The following EFTUD2 variants were observed in gnomAD, a reference collection of about 807,000 sequenced individuals.
EFTUD2 encodes elongation factor Tu GTP binding domain containing 2.
In EFTUD2, 9 loss-of-function variants were observed where a neutral mutation model predicts 114.3. The ratio of observed to expected loss-of-function variants is 0.08; its 90% confidence interval spans 0.05 to 0.14. EFTUD2 has a LOEUF of 0.14. Among genes scored for constraint, EFTUD2 ranks in the 10% least tolerant of loss-of-function variants. EFTUD2 has a pLI of 1.00. For missense variants in EFTUD2, 765 were observed against 1,241.2 expected (o/e 0.62, Z 5.76); for synonymous variants, 449 against 462.3 (o/e 0.97, Z 0.37).
At position 44,859,713 on chromosome 17, in the gene EFTUD2, AACACACACACAT is replaced by A. The variant is rs1467662735; in HGVS notation, c.1860+180_1860+191del. On this transcript the variant is annotated intron_variant, in intron 18 of 27. Coordinates refer to ENST00000426333, the MANE Select transcript of EFTUD2 (RefSeq NM_004247.4). The stretch of plus-strand genomic sequence containing the variant: ...CCCCCTCCTACACAGGTCTTGTTTT[AACACACACACAT>A]ACACACACACACGTGTCTTGTCCTG... 6.0e-6 allele frequency: 5 copies of A among 836,626 alleles called. No homozygotes were observed. The African/African-American group carries it at 7.0e-5, about 12-fold the overall frequency. 51.8% of individuals were successfully genotyped at this position (836,626 alleles called of 1,614,324 possible). A position where few individuals can be genotyped will look rare whatever the true frequency, so the allele number is the denominator to read the frequency against.
intron 9 of EFTUD2, among the ~76,000 whole-genome samples, chr17:44,878,916 C>G (rs894860213): frequency 1.3e-5 from 2 of 152,152 alleles, no homozygotes; most frequent in African/African-American, 2.4e-5. Flanking sequence ...TATTTTAACT[C>G]CAATCTCTTG....
chr17:44,889,565 T>C (rs1222107676), intron 2 of EFTUD2, among the ~76,000 whole-genome samples: 1 of 152,192 alleles, frequency 6.6e-6, no homozygotes, highest in Non-Finnish European at 1.5e-5. Flanking sequence ...GACAGAAACA[T>C]GAACAAATCA....
chr17:44,882,998 T>C (rs2051099903), intron 6 of EFTUD2, 95 bp downstream of exon 6: 1 of 1,216,608 alleles, frequency 8.2e-7, no homozygotes, highest in Non-Finnish European at 1.2e-6. Context: ...GCGTCATTAT[T>C]TATAGAGAAC....
chr17:44,851,250 A>G lies in EFTUD2; in HGVS notation c.*24T>C. 6.3e-7 allele frequency: 1 copy of G among 1,577,142 alleles called. No homozygotes were observed. Among genetic ancestry groups the G allele is most frequent in the Non-Finnish European group, 8.7e-7 (1 of 1,146,488 alleles). On this transcript the variant is annotated 3_prime_UTR_variant, in exon 28 of 28. Coordinates refer to ENST00000426333, the MANE Select transcript of EFTUD2 (RefSeq NM_004247.4). ...GGAGTTGCAGCCCACTGTAGGGAGCAGGAGCTCCCAGGAGTCCACGCACTC... is the reference window on the plus strand; with the variant it reads ...GGAGTTGCAGCCCACTGTAGGGAGCGGGAGCTCCCAGGAGTCCACGCACTC...
At chr17:44,867,588 C>A (rs1317945003) in intron 13 of EFTUD2, among the ~76,000 whole-genome samples, 1 of 152,048 alleles carries the variant, frequency 6.6e-6, no homozygotes, top group Admixed American at 6.5e-5. Flanking sequence ...GCATGAGCCA[C>A]CATGCCCGGG....
At chr17:44,861,010 A>G (rs1300288911) in intron 16 of EFTUD2, among the ~76,000 whole-genome samples, 1 of 152,210 alleles carries the variant, frequency 6.6e-6, no homozygotes, top group East Asian at 1.9e-4. Flanking sequence ...CCACACATGT[A>G]TGTGGTTACA....
chr17:44,864,849 G>A (rs1305411404), intron 14 of EFTUD2, 81 bp downstream of exon 14: 8 of 1,556,638 alleles, frequency 5.1e-6, no homozygotes, highest in Admixed American at 3.7e-5. Context: ...GACCTCCATC[G>A]CTGGGTGAGA....
chr17:44,867,796 G>A lies in EFTUD2; in HGVS notation c.1149+11C>T. ...AGAGCAGATCTGCCCAGTGTGACCT[G>A]ACACACTCACCTGGGCGAGGATCTT... On this transcript the variant is annotated intron_variant, in intron 13 of 27. Coordinates refer to ENST00000426333, the MANE Select transcript of EFTUD2 (RefSeq NM_004247.4). 1 of 1,570,042 alleles carries A rather than the reference G, an allele frequency of 6.4e-7. No individual in the cohort carries two copies. Among genetic ancestry groups the A allele is most frequent in the Non-Finnish European group, 8.6e-7 (1 of 1,156,656 alleles).
At chr17:44,856,982 G>C in intron 20 of EFTUD2, 93 bp downstream of exon 20, 1 of 1,054,706 alleles carries the variant, frequency 9.5e-7, no homozygotes, top group Non-Finnish European at 1.5e-6. Flanking sequence ...GTCTCTATGT[G>C]CATAGTGCTC....
chr17:44,874,107 T>TCA (rs2050905567), intron 10 of EFTUD2, among the ~76,000 whole-genome samples: 1 of 139,342 alleles, frequency 7.2e-6, no homozygotes, highest in South Asian at 2.6e-4. Context: ...AACAGCACAA[T>TCA]CATAGCTCAC....
chr17:44,855,068 A>G, intron 20 of EFTUD2, 64 bp from the exon 21 acceptor site: 1 of 1,425,402 alleles, frequency 7.0e-7, no homozygotes. Context: ...CATTACTAAG[A>G]AAAGGGTAAC....
chr17:44,853,726 T>A, intron 23 of EFTUD2, 91 bp from the exon 24 acceptor site: 2 of 1,572,286 alleles, frequency 1.3e-6, no homozygotes, highest in Non-Finnish European at 1.7e-6. Flanking sequence ...ACACTGCAGC[T>A]GTCTTGCAGT....
chr17:44,875,718 G>A (rs2050935637), intron 10 of EFTUD2: 2 of 429,794 alleles, frequency 4.7e-6, no homozygotes, highest in South Asian at 9.5e-5. Flanking sequence ...AAAAAGAGAA[G>A]AAATTAATAC....
chr17:44,870,756 A>G (rs892735442), intron 11 of EFTUD2, among the ~76,000 whole-genome samples: 27 of 152,204 alleles, frequency 1.8e-4, no homozygotes, highest in Non-Finnish European at 5.9e-5. Flanking sequence ...ACAGTGGCTC[A>G]TGCCTGTAAT....
rs776268799 is a variant in EFTUD2, at chr17:44,885,270, C to G, written c.336G>C (p.Thr112=). The change falls in exon 4 of 28, where the codon ACG becomes ACC. Residue 112 remains threonine (T), a synonymous_variant. Transcript: ENST00000426333. ...FTLMEQTLPV[T]VYEMDFLADL... The stretch of plus-strand genomic sequence containing the variant: ...TTGTAACTTACTCCATCTCATACAC[C>G]GTAACAGGTAATGTCTGCTCCATCA... The G allele has an allele frequency of 6.2e-7, 1 of 1,613,620 alleles. No homozygotes were observed. The highest frequency in any genetic ancestry group is 8.5e-7 in the Non-Finnish European group (1 of 1,179,640).
At chr17:44,879,396 T>C in intron 9 of EFTUD2, 160 bp downstream of exon 9, 1 of 693,620 alleles carries the variant, frequency 1.4e-6, no homozygotes, top group East Asian at 2.9e-5. Flanking sequence ...AGAATTAATT[T>C]TGAAACATTT....
rs749204893 is a variant in EFTUD2, at chr17:44,854,248, G to A, written c.2347+21C>T. 2 of 1,604,702 alleles carry A rather than the reference G, an allele frequency of 1.2e-6. No homozygotes were observed. Among genetic ancestry groups the A allele is most frequent in the Non-Finnish European group, 1.7e-6 (2 of 1,174,798 alleles). On this transcript the variant is annotated intron_variant, in intron 23 of 27. Coordinates refer to ENST00000426333, the MANE Select transcript of EFTUD2 (RefSeq NM_004247.4). This position sits in a 1 kb window ranked among gnomAD's most constrained non-coding sequence, Gnocchi z 4.3. ...GCAAGGACCCTCGAGGACTGGGGTG[G>A]GGGAGTGCTGGTGGACTTACATTCA... is the stretch of plus-strand genomic sequence containing the variant.
chr17:44,876,144 G>T, intron 9 of EFTUD2, 44 bp from the exon 10 acceptor site: 1 of 1,573,136 alleles, frequency 6.4e-7, no homozygotes. Flanking sequence ...GAACAAGGAG[G>T]GCAGAAAGTT....
chr17:44,856,130 C>CAAAAAA (rs1045415785), intron 20 of EFTUD2, among the ~76,000 whole-genome samples: 1 of 37,374 alleles, frequency 2.7e-5, no homozygotes, highest in African/African-American at 1.1e-4. Flanking sequence ...GACCCTGTCT[C>CAAAAAA]AAAAAAAAAA....
Sources: allele counts gnomAD v4.1 joint callset (sites outside exome capture counted in the v4.1 genomes callset), GRCh38; gene constraint gnomAD v4.1.1; non-coding constraint Gnocchi (gnomAD v3.1); transcripts MANE v1.5; gene names NCBI Gene and HGNC (gene_info 2026-07-23, HGNC 2026-07-21).